Variants in PDLIM1 observed in about 807,000 individuals in gnomAD.
The protein encoded by PDLIM1 is PDZ and LIM domain protein 1.
A neutral mutation model predicts 35.2 loss-of-function variants in PDLIM1; 25 were observed. That is an observed-to-expected ratio of 0.71 (90% CI 0.52 to 0.99). PDLIM1 has a LOEUF of 0.99. Among genes scored for constraint, PDLIM1 ranks in the 50% least tolerant of loss-of-function variants. The pLI is 0.00. For synonymous variants in PDLIM1, 152 were observed against 154.0 expected, an observed-to-expected ratio of 0.99 and a Z score of 0.10; for missense variants, 363 against 415.3, an observed-to-expected ratio of 0.87 and a Z score of 1.09.
At chr10:95,268,441 T>C (rs2035433352) in intron 3 of PDLIM1, among the ~76,000 whole-genome samples, 1 of 152,322 alleles carries the variant, frequency 6.6e-6, no homozygotes, top group African/African-American at 2.4e-5. Context: ...ATGATTCATT[T>C]GTTGCTGAAA....
At chr10:95,264,248 C>T (rs1479951500) in intron 3 of PDLIM1, among the ~76,000 whole-genome samples, 185 bp from the exon 4 acceptor site, 3 of 152,098 alleles carry the variant, frequency 2.0e-5, no homozygotes, top group Admixed American at 1.3e-4. Flanking sequence ...GGGGAAGTTT[C>T]CCACAATGGG....
In PDLIM1 at chr10:95,263,993, G is replaced by A. The variant is rs764186610; in HGVS notation, c.404C>T (p.Thr135Ile). 1 of 1,613,798 alleles carries A rather than the reference G, an allele frequency of 6.2e-7. No homozygotes were observed. The highest frequency in any genetic ancestry group is 1.3e-5 in the African/African-American group (1 of 74,918). The change falls in exon 4 of 7, where the codon ACT becomes ATT. Residue 135 changes from threonine (T) to isoleucine (I), a missense_variant. Transcript: ENST00000329399. ...MPFTASPASSTTARVITNQYN... is the reference protein window; with the variant it reads ...MPFTASPASSITARVITNQYN... ...CTGGTTTGTGATGACCCTGGCAGTA[G>A]TGCTGGAGGCAGGCGAGGCGGTAAA...
chr10:95,271,797 G>T lies in PDLIM1; in HGVS notation c.97-13C>A, dbSNP rs1463672209. The T allele has an allele frequency of 2.5e-6, 4 of 1,609,100 alleles. No homozygotes were observed. The highest frequency in any genetic ancestry group is 3.4e-6 in the Non-Finnish European group (4 of 1,178,422). ...TTCCAGGAGTGACCTAGAAAAAAAG[G>T]GGAAAGCAGGCTAGTTACTATTTGT... is the stretch of plus-strand genomic sequence containing the variant. On this transcript the variant is annotated splice_polypyrimidine_tract_variant and intron_variant, in intron 1 of 6. Transcript: ENST00000329399.
intron 3 of PDLIM1, 93 bp from the exon 4 acceptor site, chr10:95,264,156 C>T (rs567490646): frequency 1.9e-6 from 2 of 1,057,174 alleles, no homozygotes; most frequent in Non-Finnish European, 2.8e-6. Context: ...AGAGGTGTTC[C>T]AGCTGCTAAG....
intron 3 of PDLIM1, among the ~76,000 whole-genome samples, chr10:95,267,391 A>T (rs2133428990): frequency 6.6e-6 from 1 of 152,344 alleles, no homozygotes; most frequent in Non-Finnish European, 1.5e-5. Context: ...TTTATGGTAA[A>T]TTTAATGAAG....
intron 1 of PDLIM1, among the ~76,000 whole-genome samples, chr10:95,288,676 T>C (rs2035623040): frequency 1.3e-5 from 2 of 152,200 alleles, no homozygotes; most frequent in Non-Finnish European, 2.9e-5. Flanking sequence ...TGACAATGAC[T>C]TTCCCATTCC....
chr10:95,283,958 A>C (rs546153739), intron 1 of PDLIM1, among the ~76,000 whole-genome samples: 35 of 137,860 alleles, frequency 2.5e-4, no homozygotes, highest in African/African-American at 9.4e-4. Context: ...TTTACTCTTC[A>C]CTCTTAGGTA....
intron 1 of PDLIM1, among the ~76,000 whole-genome samples, chr10:95,274,490 T>C (rs1433770603): frequency 6.6e-6 from 1 of 151,822 alleles, no homozygotes. Context: ...GATGGGGTTT[T>C]TTCACCATGT....
intron 1 of PDLIM1, among the ~76,000 whole-genome samples, chr10:95,283,931 A>G (rs1175520822): frequency 6.6e-6 from 1 of 151,344 alleles, no homozygotes; most frequent in African/African-American, 2.4e-5. Context: ...ATTTTATGTA[A>G]CTGGAATCAC....
intron 3 of PDLIM1, among the ~76,000 whole-genome samples, chr10:95,266,723 A>G (rs1474497932): frequency 6.6e-6 from 1 of 152,190 alleles, no homozygotes; most frequent in Non-Finnish European, 1.5e-5. Context: ...TCAGGTTGAA[A>G]ATTCGGATGA....
chr10:95,249,883 G>A (rs910859925), intron 4 of PDLIM1, among the ~76,000 whole-genome samples: 3 of 152,160 alleles, frequency 2.0e-5, no homozygotes, highest in Admixed American at 6.5e-5. Flanking sequence ...AAGATTCATG[G>A]GTTGGTCACT....
At chr10:95,241,679 A>C (rs1166758828) in intron 5 of PDLIM1, among the ~76,000 whole-genome samples, 1 of 152,216 alleles carries the variant, frequency 6.6e-6, no homozygotes, top group African/African-American at 2.4e-5. Flanking sequence ...CAACGTGAGC[A>C]GATGTGAGCC....
intron 3 of PDLIM1, among the ~76,000 whole-genome samples, 190 bp from the exon 4 acceptor site, chr10:95,264,253 A>G (rs1217527102): frequency 1.3e-5 from 2 of 152,108 alleles, no homozygotes; most frequent in African/African-American, 4.8e-5. Context: ...AGTTTCCCAC[A>G]ATGGGCACCT....
intron 1 of PDLIM1, among the ~76,000 whole-genome samples, chr10:95,279,630 C>A (rs2035543361): frequency 6.6e-6 from 1 of 152,180 alleles, no homozygotes; most frequent in African/African-American, 2.4e-5. Context: ...ACACACTGGG[C>A]TGAGTCAGAG....
At chr10:95,271,976 C>T (rs2035468606) in intron 1 of PDLIM1, among the ~76,000 whole-genome samples, 192 bp from the exon 2 acceptor site, 1 of 152,074 alleles carries the variant, frequency 6.6e-6, no homozygotes, top group South Asian at 2.1e-4. Context: ...CTCATTGTAT[C>T]CCTATAGCAA....
intron 1 of PDLIM1, chr10:95,273,503 A>G (rs1437029774): frequency 6.6e-6 from 1 of 152,144 alleles, no homozygotes; most frequent in Admixed American, 6.5e-5. Flanking sequence ...GGACAAGTTG[A>G]TCCTTGAGGT....
At chr10:95,272,220 C>T (rs1282171455) in intron 1 of PDLIM1, among the ~76,000 whole-genome samples, 1 of 152,122 alleles carries the variant, frequency 6.6e-6, no homozygotes, top group African/African-American at 2.4e-5. Context: ...AAAAAACACA[C>T]ACACACACAT....
At chr10:95,270,659 T>C (rs1158792909) in intron 2 of PDLIM1, among the ~76,000 whole-genome samples, 1 of 152,216 alleles carries the variant, frequency 6.6e-6, no homozygotes, top group Admixed American at 6.5e-5. Flanking sequence ...CACTCAGTAC[T>C]CTGCTGCTAA....
At position 95,237,899 on chromosome 10, in the gene PDLIM1, G is replaced by A. The variant is rs750175413; in HGVS notation, c.*26C>T. ...GAAAAAGCTGCAGCAGAGGCCTGCT[G>A]GAGAACAGTGGTCAGATCTGCTGGC... On this transcript the variant is annotated 3_prime_UTR_variant, in exon 7 of 7. Transcript: ENST00000329399. 1.9e-6 allele frequency: 3 copies of A among 1,603,016 alleles called. No homozygotes were observed. The highest frequency in any genetic ancestry group is 2.6e-6 in the Non-Finnish European group (3 of 1,171,268).
Sources: allele counts gnomAD v4.1 joint callset (sites outside exome capture counted in the v4.1 genomes callset), GRCh38; gene constraint gnomAD v4.1.1; transcripts MANE v1.5; gene names NCBI Gene and HGNC (gene_info 2026-07-23, HGNC 2026-07-21).